The following LRIG1 variants were observed in gnomAD, a reference collection of about 807,000 sequenced individuals.
LRIG1 encodes the protein leucine rich repeats and immunoglobulin like domains 1, also known as leucine-rich repeats and immunoglobulin-like domains protein 1.
In LRIG1, 48 loss-of-function variants were observed where a neutral mutation model predicts 99.2. That is an observed-to-expected ratio of 0.48 (90% CI 0.38 to 0.62). LRIG1 has a LOEUF of 0.62. Among genes scored for constraint, LRIG1 ranks in the 20% least tolerant of loss-of-function variants. The pLI, the probability that LRIG1 is intolerant of heterozygous loss-of-function variation, is 0.00. For synonymous variants in LRIG1, 772 were observed against 596.1 expected (o/e 1.29, Z -4.30); for missense variants, 1,646 against 1,434.4 (o/e 1.15, Z -2.38).
chr3:66,476,094 G>A (rs904191861), intron 1 of LRIG1, among the ~76,000 whole-genome samples: 1 of 152,166 alleles, frequency 6.6e-6, no homozygotes, highest in Non-Finnish European at 1.5e-5. Flanking sequence ...AAATGGCATT[G>A]CAACTGAGGA....
intron 3 of LRIG1, among the ~76,000 whole-genome samples, chr3:66,446,830 A>G (rs1703744756): frequency 6.6e-6 from 1 of 151,288 alleles, no homozygotes; most frequent in African/African-American, 2.4e-5. Flanking sequence ...ATTTGTTAAC[A>G]TGAGAGAAAA....
intron 6 of LRIG1, among the ~76,000 whole-genome samples, chr3:66,411,219 G>T (rs1336449936): frequency 6.6e-6 from 1 of 152,200 alleles, no homozygotes; most frequent in Non-Finnish European, 1.5e-5. Context: ...TTCAACAAAA[G>T]TCCGTAACCC....
intron 1 of LRIG1, among the ~76,000 whole-genome samples, chr3:66,489,970 A>G (rs1559825802): frequency 6.6e-6 from 1 of 152,222 alleles, no homozygotes. Context: ...TCTGAGCACC[A>G]CGACTTCACA....
intron 1 of LRIG1, among the ~76,000 whole-genome samples, chr3:66,467,747 A>G (rs576655409): frequency 6.6e-6 from 1 of 152,376 alleles, no homozygotes; most frequent in South Asian, 2.1e-4. Flanking sequence ...TATTTCTATC[A>G]GCACTGAAAT....
At chr3:66,442,010 G>A (rs1461244834) in intron 3 of LRIG1, among the ~76,000 whole-genome samples, 2 of 152,188 alleles carry the variant, frequency 1.3e-5, no homozygotes, top group Non-Finnish European at 2.9e-5. Flanking sequence ...GCCAATATCA[G>A]TGTACCATAT....
intron 3 of LRIG1, among the ~76,000 whole-genome samples, chr3:66,434,341 G>A (rs1399316653): frequency 6.6e-6 from 1 of 152,082 alleles, no homozygotes; most frequent in Non-Finnish European, 1.5e-5. Context: ...ATCTACAGGT[G>A]GCAAACAAGC....
chr3:66,413,859 C>A (rs1702542181), intron 5 of LRIG1, among the ~76,000 whole-genome samples: 2 of 152,194 alleles, frequency 1.3e-5, no homozygotes, highest in Admixed American at 1.3e-4. Context: ...CAGGCACACC[C>A]CGTCGTGCCG....
intron 1 of LRIG1, among the ~76,000 whole-genome samples, chr3:66,472,559 A>T (rs1700627674): frequency 6.6e-6 from 1 of 152,168 alleles, no homozygotes; most frequent in South Asian, 2.1e-4. Flanking sequence ...GAACCCTGCT[A>T]TCAAAGAGCA....
rs940038630 is a variant in LRIG1, at chr3:66,500,218, C to G, written c.190G>C (p.Gly64Arg). 34 of 1,513,274 alleles carry G rather than the reference C, an allele frequency of 2.2e-5. No homozygotes were observed. The African/African-American group carries it at 4.0e-4, about 18-fold the overall frequency. 93.7% of individuals were successfully genotyped at this position (1,513,274 alleles called of 1,614,324 possible). Residue 64 changes from glycine (G) to arginine (R), a missense_variant, in exon 1 of 19, where the codon GGG (glycine) becomes CGG (arginine). Transcript: ENST00000273261. ...CGGRGLAALP[G>R]DLPSWTRSLN... ...CTCCGCGTCCAGGAGGGCAGGTCCC[C>G]GGGCAACGCAGCCAGCCCGCGCCCA...
intron 1 of LRIG1, among the ~76,000 whole-genome samples, chr3:66,484,802 TC>T (rs1309789406): frequency 1.3e-5 from 2 of 151,992 alleles, no homozygotes; most frequent in African/African-American, 4.8e-5. Flanking sequence ...AGCTCTCTCC[TC>T]CCTCTAAAGT....
chr3:66,466,048 T>C (rs1381136186), intron 1 of LRIG1, among the ~76,000 whole-genome samples: 1 of 152,208 alleles, frequency 6.6e-6, no homozygotes, highest in Admixed American at 6.5e-5. Flanking sequence ...TCATTTTTTT[T>C]AGAGACAGGG....
chr3:66,452,289 T>C (rs1419233546), intron 2 of LRIG1, among the ~76,000 whole-genome samples: 1 of 152,252 alleles, frequency 6.6e-6, no homozygotes, highest in African/African-American at 2.4e-5. Context: ...CCAAGCTCCC[T>C]TCCTGCTAAA....
chr3:66,387,466 G>C (rs1701432401), intron 12 of LRIG1: 1 of 152,038 alleles, frequency 6.6e-6, no homozygotes. Context: ...CCAACCATTA[G>C]CTAACCACTA....
At chr3:66,410,806 T>C (rs960252185) in intron 6 of LRIG1, among the ~76,000 whole-genome samples, 11 of 152,110 alleles carry the variant, frequency 7.2e-5, no homozygotes, top group Admixed American at 2.6e-4. Flanking sequence ...ATCTCACACA[T>C]GAGGAATGTG....
intron 3 of LRIG1, among the ~76,000 whole-genome samples, chr3:66,441,865 C>T (rs1029664758): frequency 7.2e-5 from 11 of 152,184 alleles, no homozygotes; most frequent in African/African-American, 2.4e-4. Flanking sequence ...TGCTCTGTGA[C>T]GTTGAGCACG....
At chr3:66,461,953 C>T (rs1423789196) in intron 2 of LRIG1, among the ~76,000 whole-genome samples, 2 of 152,258 alleles carry the variant, frequency 1.3e-5, no homozygotes, top group Non-Finnish European at 2.9e-5. Flanking sequence ...CGTTTGGTGG[C>T]TCACATGCCA....
At chr3:66,429,805 T>C (rs2106738948) in intron 3 of LRIG1, among the ~76,000 whole-genome samples, 1 of 151,940 alleles carries the variant, frequency 6.6e-6, no homozygotes, top group East Asian at 1.9e-4. Context: ...TGTGTGTGTG[T>C]GTGTGAGGGG....
chr3:66,448,794 CG>C (rs1703807659), intron 3 of LRIG1, among the ~76,000 whole-genome samples: 1 of 152,108 alleles, frequency 6.6e-6, no homozygotes, highest in African/African-American at 2.4e-5. Context: ...CCCACAAAAA[CG>C]GAATAAGAAT....
intron 1 of LRIG1, among the ~76,000 whole-genome samples, chr3:66,464,418 A>C (rs1700425036): frequency 6.6e-6 from 1 of 152,112 alleles, no homozygotes; most frequent in Non-Finnish European, 1.5e-5. Context: ...TGTCCCCCGA[A>C]ACAAGGGCCA....
Sources: allele counts gnomAD v4.1 joint callset (sites outside exome capture counted in the v4.1 genomes callset), GRCh38; gene constraint gnomAD v4.1.1; transcripts MANE v1.5; gene names NCBI Gene and HGNC (gene_info 2026-07-23, HGNC 2026-07-21).